Variants in COL24A1 observed in about 807,000 individuals in gnomAD.
The protein encoded by COL24A1 is collagen type XXIV alpha 1 chain.
In COL24A1, 224 loss-of-function variants were observed where a neutral mutation model predicts 253.9. The observed-to-expected ratio is 0.88, with a 90% confidence interval of 0.79 to 0.99. The LOEUF is 0.99. COL24A1 is among the 50% of genes least tolerant of loss of function. The probability of loss-of-function intolerance (pLI) is 0.00; values close to 1 mark genes in which losing one functional copy is unlikely to be tolerated. For missense variants in COL24A1, 2,131 were observed against 2,068.5 expected, an observed-to-expected ratio of 1.03 and a Z score of -0.59; for synonymous variants, 685 against 673.7, an observed-to-expected ratio of 1.02 and a Z score of -0.26.
intron 7 of COL24A1, among the ~76,000 whole-genome samples, chr1:86,072,434 T>G (rs1465456561): frequency 6.6e-6 from 1 of 152,128 alleles, no homozygotes; most frequent in African/African-American, 2.4e-5. Context: ...CCAGACTGCC[T>G]CTTTAGATTC....
intron 47 of COL24A1, among the ~76,000 whole-genome samples, chr1:85,797,314 GA>G (rs1220863114): frequency 1.3e-5 from 2 of 151,894 alleles, no homozygotes; most frequent in African/African-American, 4.8e-5. Context: ...TCTTTGGAGA[GA>G]AAGAAAGACA....
chr1:85,816,757 T>C (rs535502663), intron 47 of COL24A1, 31 bp downstream of exon 47: 1 of 1,558,086 alleles, frequency 6.4e-7, no homozygotes, highest in African/African-American at 1.4e-5. Context: ...GCATAGGAAA[T>C]AATGAGCAAA....
chr1:85,945,883 T>C (rs1326445030), intron 24 of COL24A1, among the ~76,000 whole-genome samples: 3 of 152,156 alleles, frequency 2.0e-5, no homozygotes, highest in African/African-American at 4.8e-5. Context: ...ATGTCTCCTA[T>C]GAACATTTCA....
chr1:85,765,612 G>A (rs949255938), intron 53 of COL24A1, among the ~76,000 whole-genome samples: 3 of 151,534 alleles, frequency 2.0e-5, no homozygotes, highest in East Asian at 1.9e-4. Context: ...GCAATGACAC[G>A]CACCTGTAGT....
chr1:86,140,880 C>T (rs1650974743), intron 2 of COL24A1, among the ~76,000 whole-genome samples: 1 of 152,114 alleles, frequency 6.6e-6, no homozygotes, highest in Non-Finnish European at 1.5e-5. Flanking sequence ...TTAGATTACA[C>T]CTAAAACTTG....
At chr1:86,121,626 C>T (rs1385282858) in intron 3 of COL24A1, among the ~76,000 whole-genome samples, 1 of 151,780 alleles carries the variant, frequency 6.6e-6, no homozygotes, top group Non-Finnish European at 1.5e-5. Context: ...ATTTAAAAAT[C>T]AATGAAGGGA....
intron 45 of COL24A1, among the ~76,000 whole-genome samples, chr1:85,819,720 G>T (rs561930128): frequency 6.6e-6 from 1 of 152,154 alleles, no homozygotes; most frequent in Middle Eastern, 3.4e-3. Flanking sequence ...CATGAAAGGG[G>T]ATAAAGATCC....
chr1:86,128,380 T>TA (rs1367241119), intron 2 of COL24A1, among the ~76,000 whole-genome samples: 1 of 151,966 alleles, frequency 6.6e-6, no homozygotes, highest in African/African-American at 2.4e-5. Context: ...AGAAGTAAAC[T>TA]ATGGAAGGAA....
chr1:86,154,880 C>A, intron 1 of COL24A1: 1 of 152,484 alleles, frequency 6.6e-6, no homozygotes, highest in East Asian at 1.9e-4. Context: ...GGGCTAGAGC[C>A]TCTCTGCATC....
chr1:85,989,434 TGTCA>T (rs2100942733), intron 19 of COL24A1, among the ~76,000 whole-genome samples: 1 of 152,208 alleles, frequency 6.6e-6, no homozygotes, highest in East Asian at 1.9e-4. Context: ...CCTAATTCAC[TGTCA>T]GTCTGAACCA....
At chr1:86,127,855 C>T (rs151022534) in intron 2 of COL24A1, among the ~76,000 whole-genome samples, 2 of 152,128 alleles carry the variant, frequency 1.3e-5, no homozygotes, top group East Asian at 1.9e-4. Flanking sequence ...TTACTGAATG[C>T]CATTCCTGTG....
At chr1:86,081,955 G>T (rs1285174364) in intron 7 of COL24A1, among the ~76,000 whole-genome samples, 4 of 152,030 alleles carry the variant, frequency 2.6e-5, no homozygotes, top group Non-Finnish European at 1.5e-5. Context: ...CCTTTTAAAA[G>T]TTTCCTCTTC....
chr1:85,888,348 T>C (rs1682752551), intron 32 of COL24A1, among the ~76,000 whole-genome samples: 1 of 152,230 alleles, frequency 6.6e-6, no homozygotes, highest in East Asian at 1.9e-4. Flanking sequence ...TCCTTTGTTC[T>C]AAGGATAAAA....
chr1:86,145,414 A>G (rs930025795), intron 2 of COL24A1, among the ~76,000 whole-genome samples: 1 of 151,972 alleles, frequency 6.6e-6, no homozygotes, highest in Admixed American at 6.6e-5. Context: ...CAGTTCTAGG[A>G]TTTGTCTCTT....
At chr1:86,040,504 T>A (rs968847941) in intron 12 of COL24A1, among the ~76,000 whole-genome samples, 3 of 129,796 alleles carry the variant, frequency 2.3e-5, no homozygotes, top group Non-Finnish European at 3.1e-5. Context: ...TTGTCCCTTA[T>A]GTTATCCACC....
intron 1 of COL24A1, chr1:86,154,978 T>G (rs569120412): frequency 6.6e-6 from 1 of 152,402 alleles, no homozygotes; most frequent in South Asian, 2.1e-4. Context: ...GAGGGATGTT[T>G]ATCGAGAACA....
chr1:85,808,598 T>C (rs1391512716), intron 47 of COL24A1, among the ~76,000 whole-genome samples: 1 of 152,240 alleles, frequency 6.6e-6, no homozygotes, highest in Non-Finnish European at 1.5e-5. Flanking sequence ...GATATCTTTA[T>C]ATTCTGGATA....
At chr1:85,949,107 C>T (rs540569162) in intron 24 of COL24A1, among the ~76,000 whole-genome samples, 1 of 152,206 alleles carries the variant, frequency 6.6e-6, no homozygotes, top group East Asian at 1.9e-4. Context: ...CTTACTCTTA[C>T]CCGTTTTGTT....
intron 5 of COL24A1, among the ~76,000 whole-genome samples, chr1:86,097,337 G>C (rs1571905155): frequency 6.6e-6 from 1 of 151,476 alleles, no homozygotes; most frequent in Admixed American, 6.6e-5. Context: ...TCTCAATCTT[G>C]TTGTTATTGT....
Sources: allele counts gnomAD v4.1 joint callset (sites outside exome capture counted in the v4.1 genomes callset), GRCh38; gene constraint gnomAD v4.1.1; transcripts MANE v1.5; gene names NCBI Gene and HGNC (gene_info 2026-07-23, HGNC 2026-07-21).